Variants in ARL15 observed in about 807,000 individuals in gnomAD.
The protein encoded by ARL15 is ADP-ribosylation factor-like protein 15.
ARL15 carries 19 observed loss-of-function variants against 25.2 expected under a neutral mutation model. The ratio of observed to expected loss-of-function variants is 0.75; its 90% CI spans 0.53 to 1.10. ARL15 has a LOEUF of 1.10. Among genes scored for constraint, ARL15 ranks in the 50% least tolerant of loss-of-function variants. The probability of loss-of-function intolerance (pLI) is 0.00; values close to 1 mark genes in which losing one functional copy is unlikely to be tolerated. For missense variants in ARL15, 220 were observed against 246.0 expected, an observed-to-expected ratio of 0.89 and a Z score of 0.71; for synonymous variants, 94 against 86.8, an observed-to-expected ratio of 1.08 and a Z score of -0.46.
At chr5:54,082,107 A>AGGGAGGGAGGGAG (rs1554039046) in intron 4 of ARL15, among the ~76,000 whole-genome samples, 2 of 135,578 alleles carry the variant, frequency 1.5e-5, no homozygotes, top group African/African-American at 5.8e-5. Context: ...AAAGAAGGAA[A>AGGGAGGGAGGGAG]GGAGGGAGGG....
chr5:54,188,109 A>C (rs1257131396), intron 1 of ARL15, among the ~76,000 whole-genome samples: 2 of 152,202 alleles, frequency 1.3e-5, no homozygotes, highest in Non-Finnish European at 2.9e-5. Context: ...CAACTGTTAC[A>C]ACAAGAATAA....
intron 4 of ARL15, among the ~76,000 whole-genome samples, chr5:53,903,928 C>T (rs781448373): frequency 2.0e-5 from 3 of 151,958 alleles, no homozygotes; most frequent in Non-Finnish European, 4.4e-5. Context: ...TGGTGGCCAG[C>T]GATACTGACA....
intron 4 of ARL15, among the ~76,000 whole-genome samples, chr5:53,929,170 CAAAA>C (rs3990747): frequency 2.8e-5 from 4 of 142,218 alleles, no homozygotes; most frequent in Middle Eastern, 3.4e-3. Context: ...AAATAAGTTC[CAAAA>C]AAAAAAAAAA....
chr5:54,039,957 A>G (rs186638699), intron 4 of ARL15, among the ~76,000 whole-genome samples: 69 of 152,258 alleles, frequency 4.5e-4, no homozygotes, highest in African/African-American at 1.6e-3. Context: ...TGTGTACGTA[A>G]AATTATAAAA....
At chr5:54,003,530 G>A (rs1748913682) in intron 4 of ARL15, among the ~76,000 whole-genome samples, 1 of 152,164 alleles carries the variant, frequency 6.6e-6, no homozygotes, top group Admixed American at 6.5e-5. Context: ...AAATCAAACT[G>A]TTTTCCCTCA....
intron 4 of ARL15, among the ~76,000 whole-genome samples, chr5:53,941,024 T>C (rs893646304): frequency 1.3e-5 from 2 of 152,160 alleles, no homozygotes; most frequent in South Asian, 4.1e-4. Flanking sequence ...GCCTGTGAGA[T>C]GAGTATTTTA....
intron 1 of ARL15, among the ~76,000 whole-genome samples, chr5:54,201,053 A>T (rs758998532): frequency 1.3e-5 from 2 of 152,068 alleles, no homozygotes; most frequent in Non-Finnish European, 2.9e-5. Context: ...GTTAGGAAAA[A>T]AAAAAAGAGT....
intron 1 of ARL15, among the ~76,000 whole-genome samples, chr5:54,266,506 G>A (rs554782893): frequency 5.9e-5 from 9 of 152,230 alleles, no homozygotes; most frequent in Non-Finnish European, 8.8e-5. Flanking sequence ...CCCAGAAACC[G>A]GAAAAATCTA....
intron 1 of ARL15, 32 bp downstream of exon 1, chr5:54,310,400 G>C: frequency 6.2e-7 from 1 of 1,601,348 alleles, no homozygotes. Context: ...CGAGATCCGA[G>C]AGGCGACATG....
chr5:54,242,567 A>C (rs1756985645), intron 1 of ARL15, among the ~76,000 whole-genome samples: 2 of 152,180 alleles, frequency 1.3e-5, no homozygotes, highest in Admixed American at 1.3e-4. Flanking sequence ...CTTCTGTTGA[A>C]ACTACTGGGA....
In ARL15 at chr5:54,171,789, G is replaced by A. The variant is rs1171126585; in HGVS notation, c.188C>T (p.Thr63Ile). 1.2e-6 allele frequency: 2 copies of A among 1,611,944 alleles called. No homozygotes were observed. Among genetic ancestry groups the A allele is most frequent in the East Asian group, 2.2e-5 (1 of 44,788 alleles). The change falls in exon 2 of 5, where the codon ACC becomes ATC. Residue 63 changes from threonine (T) to isoleucine (I), a missense_variant. By Grantham distance (89) the Thr-to-Ile change is moderately conservative. Transcript: ENST00000504924. ...AACCCCAGCACAGTACCCACCTGTG[G>A]TCGACACGACGTTATCGGGGCTTTC... is the stretch of plus-strand genomic sequence containing the variant. ...CSESPDNVVS[T>I]TGFSIKAVPF...
chr5:54,051,385 C>A (rs1199013351), intron 4 of ARL15, among the ~76,000 whole-genome samples: 1 of 152,194 alleles, frequency 6.6e-6, no homozygotes, highest in African/African-American at 2.4e-5. Flanking sequence ...TTACAACATG[C>A]AGCTGAAACT....
At chr5:54,094,956 G>A (rs149410111) in intron 4 of ARL15, among the ~76,000 whole-genome samples, 1 of 152,296 alleles carries the variant, frequency 6.6e-6, no homozygotes, top group African/African-American at 2.4e-5. Context: ...AACTACTTCT[G>A]ACATAGAGAT....
At chr5:54,069,582 AAAC>A (rs1751354787) in intron 4 of ARL15, among the ~76,000 whole-genome samples, 1 of 120,592 alleles carries the variant, frequency 8.3e-6, no homozygotes, top group Non-Finnish European at 1.7e-5. Context: ...AAAAAAAAAA[AAAC>A]CACGAAAAAA....
At chr5:54,179,833 C>T (rs369682037) in intron 1 of ARL15, among the ~76,000 whole-genome samples, 6 of 151,990 alleles carry the variant, frequency 3.9e-5, no homozygotes, top group Non-Finnish European at 7.4e-5. Context: ...GCCTGGCCAA[C>T]GTGGTGAGAC....
At chr5:54,179,342 G>C (rs1754979511) in intron 1 of ARL15, among the ~76,000 whole-genome samples, 1 of 152,152 alleles carries the variant, frequency 6.6e-6, no homozygotes, top group Non-Finnish European at 1.5e-5. Context: ...GAAGTGGGGT[G>C]TTCTGTTCTT....
intron 1 of ARL15, among the ~76,000 whole-genome samples, chr5:54,179,190 A>T (rs1561254894): frequency 6.6e-6 from 1 of 152,134 alleles, no homozygotes; most frequent in East Asian, 1.9e-4. Flanking sequence ...GAAACTTTAG[A>T]TCCATTCTGT....
chr5:54,197,733 A>G (rs2112473331), intron 1 of ARL15, among the ~76,000 whole-genome samples: 1 of 152,274 alleles, frequency 6.6e-6, no homozygotes, highest in Non-Finnish European at 1.5e-5. Context: ...AGGAGCTGGT[A>G]CCATTCCTTC....
intron 4 of ARL15, among the ~76,000 whole-genome samples, chr5:53,904,552 T>C (rs193078137): frequency 6.6e-6 from 1 of 152,286 alleles, no homozygotes; most frequent in Non-Finnish European, 1.5e-5. Context: ...CAAGTATCTT[T>C]AACTTATAGT....
Sources: gnomAD v4.1 joint callset for allele counts (sites outside exome capture counted in the v4.1 genomes callset) on GRCh38, gnomAD v4.1.1 for gene constraint, MANE v1.5 for transcripts, NCBI Gene and HGNC (gene_info 2026-07-23, HGNC 2026-07-21) for gene names.